The following TRIM37 variants were observed in gnomAD, a reference collection of about 807,000 sequenced individuals.
The protein encoded by TRIM37 is E3 ubiquitin-protein ligase TRIM37.
TRIM37 carries 80 observed loss-of-function variants against 129.8 expected under a neutral mutation model. The ratio of observed to expected loss-of-function variants is 0.62; its 90% CI spans 0.51 to 0.74. TRIM37 has a LOEUF of 0.74. Among genes scored for constraint, TRIM37 ranks in the 30% least tolerant of loss-of-function variants. The pLI, the probability that TRIM37 is intolerant of heterozygous loss-of-function variation, is 0.00. For synonymous variants in TRIM37, 389 were observed against 387.1 expected (o/e 1.00, Z -0.06); for missense variants, 1,054 against 1,176.5 (o/e 0.90, Z 1.52).
intron 22 of TRIM37, among the ~76,000 whole-genome samples, chr17:59,010,656 C>T (rs2035140880): frequency 1.3e-5 from 2 of 151,930 alleles, no homozygotes. Context: ...CCACATCTGG[C>T]TAATATTTCT....
intron 4 of TRIM37, chr17:59,087,866 C>A: frequency 5.0e-6 from 1 of 200,414 alleles, no homozygotes; most frequent in East Asian, 1.3e-4. Context: ...CCTTTCTTTA[C>A]CTGCTCCCCA....
chr17:59,062,470 G>C, intron 11 of TRIM37, 97 bp downstream of exon 11: 1 of 971,484 alleles, frequency 1.0e-6, no homozygotes, highest in Non-Finnish European at 1.6e-6. Context: ...ACAAAAAAAA[G>C]AAGAGTTAAC....
At chr17:59,031,862 GA>G (rs2037881641) in intron 18 of TRIM37, 33 bp downstream of exon 18, 2 of 1,608,198 alleles carry the variant, frequency 1.2e-6, no homozygotes, top group Admixed American at 1.7e-5. Flanking sequence ...GAGAACCACA[GA>G]AAAAAAGGAA....
chr17:59,039,774 A>C (rs1018759063), intron 17 of TRIM37, among the ~76,000 whole-genome samples: 12 of 152,234 alleles, frequency 7.9e-5, no homozygotes, highest in Non-Finnish European at 1.6e-4. Flanking sequence ...GGAAACAAAC[A>C]GGAATCCAGA....
chr17:59,079,984 G>T, intron 6 of TRIM37, 107 bp from the exon 7 acceptor site: 1 of 1,322,458 alleles, frequency 7.6e-7, no homozygotes, highest in Non-Finnish European at 1.1e-6. Context: ...GGTAGTTAGA[G>T]GAAGGTCAAA....
intron 9 of TRIM37, among the ~76,000 whole-genome samples, chr17:59,065,873 G>A (rs1240531380): frequency 6.6e-6 from 1 of 152,110 alleles, no homozygotes; most frequent in African/African-American, 2.4e-5. Flanking sequence ...ATGTAAGTAC[G>A]TATAGCTAAA....
intron 19 of TRIM37, among the ~76,000 whole-genome samples, chr17:59,018,654 G>C (rs539442590): frequency 6.6e-6 from 1 of 150,668 alleles, no homozygotes; most frequent in Admixed American, 6.6e-5. Context: ...ACTTAATACT[G>C]TTAACAAAGC....
chr17:59,089,134 G>A (rs1281086586), intron 3 of TRIM37, among the ~76,000 whole-genome samples: 3 of 152,118 alleles, frequency 2.0e-5, no homozygotes, highest in African/African-American at 7.2e-5. Context: ...TGTGCCTACA[G>A]TCCCAGCTAC....
At chr17:59,040,644 A>G (rs191995361) in intron 17 of TRIM37, among the ~76,000 whole-genome samples, 5 of 152,218 alleles carry the variant, frequency 3.3e-5, no homozygotes, top group Non-Finnish European at 1.5e-5. Context: ...ACAGGTGTGG[A>G]TAAGATTACC....
At chr17:58,970,477 G>A in the TRIM37 span, among the ~76,000 whole-genome samples, 1 of 152,092 alleles carries the variant, frequency 6.6e-6, no homozygotes, top group East Asian at 1.9e-4. Context: ...AGTAGATACA[G>A]ACAAAAAATA....
downstream of TRIM37, among the ~76,000 whole-genome samples, chr17:58,978,750 C>T (rs1052339563): frequency 6.6e-6 from 1 of 152,040 alleles, no homozygotes; most frequent in African/African-American, 2.4e-5. Flanking sequence ...TAGTCATAAG[C>T]TATTTGGTTA....
chr17:59,074,352 G>A (rs980556181), intron 8 of TRIM37, among the ~76,000 whole-genome samples: 2 of 152,102 alleles, frequency 1.3e-5, no homozygotes, highest in African/African-American at 4.8e-5. Flanking sequence ...GAGTATCTGC[G>A]GATTTTGGTA....
At chr17:59,106,391 G>A (rs756593570) in intron 1 of TRIM37, 50 bp downstream of exon 1, 34 of 1,612,098 alleles carry the variant, frequency 2.1e-5, no homozygotes, top group African/African-American at 2.7e-5. Flanking sequence ...AATAAAAACC[G>A]CTCATCGGGT....
Position 58,998,666 on chromosome 17 carries a change from G to T in TRIM37, c.*711C>A, listed in dbSNP as rs1567926336. The T allele has an allele frequency of 1.0e-6, 1 of 985,144 alleles. No individual in the cohort carries two copies. The highest frequency in any genetic ancestry group is 1.7e-5 in the African/African-American group (1 of 57,200). The allele number at this position is 985,144 out of a possible 1,614,324, so 61.0% of individuals were successfully genotyped here. A position where few individuals can be genotyped will look rare whatever the true frequency, so the allele number is the denominator to read the frequency against. Reference sequence around the variant, plus strand: ...TAGTAAGAGGCAGAAAAAAATGAAAGAATTTTAAATAATCTTACACGTGTC... The same window carrying T: ...TAGTAAGAGGCAGAAAAAAATGAAATAATTTTAAATAATCTTACACGTGTC... On this transcript the variant is annotated 3_prime_UTR_variant, in exon 24 of 24. Coordinates refer to ENST00000262294, the MANE Select transcript of TRIM37 (RefSeq NM_015294.6).
intron 22 of TRIM37, among the ~76,000 whole-genome samples, chr17:59,009,172 G>A (rs1432951659): frequency 6.6e-6 from 1 of 152,030 alleles, no homozygotes; most frequent in Non-Finnish European, 1.5e-5. Context: ...TGTCACCCAG[G>A]CTGGAGTGCA....
At chr17:59,099,706 A>G (rs1028140163) in intron 2 of TRIM37, among the ~76,000 whole-genome samples, 4 of 152,240 alleles carry the variant, frequency 2.6e-5, no homozygotes, top group African/African-American at 9.6e-5. Flanking sequence ...GAGAATGGCT[A>G]AAATTCACAA....
chr17:59,097,367 G>A (rs1452623316), intron 2 of TRIM37, among the ~76,000 whole-genome samples: 1 of 152,056 alleles, frequency 6.6e-6, no homozygotes, highest in Non-Finnish European at 1.5e-5. Context: ...CAGATGACAT[G>A]ATCTTATCTG....
At chr17:59,003,815 G>GT (rs1387681099) in intron 22 of TRIM37, among the ~76,000 whole-genome samples, 1 of 151,554 alleles carries the variant, frequency 6.6e-6, no homozygotes, top group African/African-American at 2.4e-5. Flanking sequence ...GCCAGGCCTG[G>GT]TGGCACATGC....
At chr17:59,057,193 T>C (rs2041023463) in intron 12 of TRIM37, 139 bp from the exon 13 acceptor site, 1 of 754,110 alleles carries the variant, frequency 1.3e-6, no homozygotes, top group Non-Finnish European at 2.1e-6. Context: ...CTTTTATCAT[T>C]TATAAAAACA....
Sources: allele counts gnomAD v4.1 joint callset (sites outside exome capture counted in the v4.1 genomes callset), GRCh38; gene constraint gnomAD v4.1.1; transcripts MANE v1.5; gene names NCBI Gene and HGNC (gene_info 2026-07-23, HGNC 2026-07-21).